Variants in SLC5A4 observed in about 807,000 individuals in gnomAD.
SLC5A4 encodes the protein probable glucose sensor protein SLC5A4.
A neutral mutation model predicts 70.3 loss-of-function variants in SLC5A4; 55 were observed. That is an observed-to-expected ratio of 0.78 (90% CI 0.63 to 0.98). SLC5A4 has a LOEUF of 0.98. Among genes scored for constraint, SLC5A4 ranks in the 50% least tolerant of loss-of-function variants. The pLI is 0.00. For missense variants in SLC5A4, 735 were observed against 839.2 expected, an observed-to-expected ratio of 0.88 and a Z score of 1.53; for synonymous variants, 268 against 305.7, an observed-to-expected ratio of 0.88 and a Z score of 1.29.
intron 7 of SLC5A4, among the ~76,000 whole-genome samples, chr22:32,236,142 A>C (rs1321126759): frequency 6.6e-6 from 1 of 152,238 alleles, no homozygotes; most frequent in East Asian, 1.9e-4. Flanking sequence ...CTGAATAGAA[A>C]GTACACAAAG....
chr22:32,236,894 C>T (rs1293475383), intron 7 of SLC5A4, among the ~76,000 whole-genome samples: 4 of 151,966 alleles, frequency 2.6e-5, no homozygotes, highest in Admixed American at 1.3e-4. Flanking sequence ...TTAGTAGAGA[C>T]GGGGTTTCAC....
chr22:32,311,158 T>G, the SLC5A4 span, among the ~76,000 whole-genome samples: 1 of 152,200 alleles, frequency 6.6e-6, no homozygotes, highest in African/African-American at 2.4e-5. Flanking sequence ...CACTCACTTG[T>G]CCCTCGAACT....
At chr22:32,265,764 G>A in the SLC5A4 span, among the ~76,000 whole-genome samples, 1 of 151,650 alleles carries the variant, frequency 6.6e-6, no homozygotes, top group African/African-American at 2.4e-5. Flanking sequence ...CGCTTGAACC[G>A]GGGAGGTGGA....
At chr22:32,332,889 A>AG in the SLC5A4 span, among the ~76,000 whole-genome samples, 1 of 152,170 alleles carries the variant, frequency 6.6e-6, no homozygotes, top group Admixed American at 6.5e-5. Context: ...CTCTGTCCGT[A>AG]ACTCCTGCCT....
chr22:32,298,876 C>T, the SLC5A4 span, among the ~76,000 whole-genome samples: 4 of 105,256 alleles, frequency 3.8e-5, no homozygotes, highest in Non-Finnish European at 5.9e-5. Flanking sequence ...TCAGCATTTG[C>T]TTGTCTGTAA....
At chr22:32,345,415 T>G in the SLC5A4 span, among the ~76,000 whole-genome samples, 7 of 152,206 alleles carry the variant, frequency 4.6e-5, no homozygotes, top group African/African-American at 1.7e-4. Context: ...TCAGAAAACA[T>G]CATGCATTCC....
intron 6 of SLC5A4, among the ~76,000 whole-genome samples, chr22:32,237,986 C>G (rs1002636402): frequency 6.6e-6 from 1 of 152,124 alleles, no homozygotes; most frequent in Non-Finnish European, 1.5e-5. Context: ...GTTGTCTGTA[C>G]CAAAATAGAG....
intron 3 of SLC5A4, among the ~76,000 whole-genome samples, chr22:32,249,177 AAGTC>A (rs776475502): frequency 6.6e-6 from 1 of 152,242 alleles, no homozygotes; most frequent in Non-Finnish European, 1.5e-5. Flanking sequence ...AGTGCTCCCC[AAGTC>A]TTCCCACATA....
At chr22:32,340,220 T>C in the SLC5A4 span, among the ~76,000 whole-genome samples, 3 of 152,148 alleles carry the variant, frequency 2.0e-5, no homozygotes, top group African/African-American at 7.2e-5. Context: ...AATGGCACAA[T>C]TTGTTACAGC....
the SLC5A4 span, among the ~76,000 whole-genome samples, chr22:32,329,535 C>G: frequency 1.5e-5 from 2 of 135,864 alleles, no homozygotes; most frequent in Non-Finnish European, 3.1e-5. Context: ...CTTGGGGGGG[C>G]TCTGTGTCTG....
At chr22:32,348,888 G>GT in the SLC5A4 span, among the ~76,000 whole-genome samples, 1 of 152,144 alleles carries the variant, frequency 6.6e-6, no homozygotes, top group East Asian at 1.9e-4. Flanking sequence ...ACAAAGTTAA[G>GT]TTTCATAAAT....
At chr22:32,348,885 T>G in the SLC5A4 span, among the ~76,000 whole-genome samples, 1 of 152,236 alleles carries the variant, frequency 6.6e-6, no homozygotes, top group Non-Finnish European at 1.5e-5. Flanking sequence ...TTTACAAAGT[T>G]AAGTTTCATA....
At chr22:32,306,903 GA>G in the SLC5A4 span, among the ~76,000 whole-genome samples, 1 of 93,734 alleles carries the variant, frequency 1.1e-5, no homozygotes, top group Non-Finnish European at 2.6e-5. Flanking sequence ...GCAATTCCAA[GA>G]AGAGGCGCTC....
At chr22:32,333,103 G>GTGGCC in the SLC5A4 span, among the ~76,000 whole-genome samples, 1 of 152,054 alleles carries the variant, frequency 6.6e-6, no homozygotes, top group Non-Finnish European at 1.5e-5. Flanking sequence ...GAGGAGGGAC[G>GTGGCC]TGGCCTGCCC....
At chr22:32,318,698 C>G in the SLC5A4 span, among the ~76,000 whole-genome samples, 2 of 152,194 alleles carry the variant, frequency 1.3e-5, no homozygotes, top group African/African-American at 4.8e-5. Context: ...GCTCTCAACA[C>G]AGCAGCCAGA....
At chr22:32,275,787 A>T in the SLC5A4 span, among the ~76,000 whole-genome samples, 1 of 152,230 alleles carries the variant, frequency 6.6e-6, no homozygotes, top group Admixed American at 6.5e-5. Flanking sequence ...CTGAGGAATC[A>T]CCACACTGAC....
chr22:32,271,577 C>G, the SLC5A4 span: 1 of 700,338 alleles, frequency 1.4e-6, no homozygotes, highest in Non-Finnish European at 2.6e-6. Context: ...GGCCCGGGGC[C>G]GCGTGGCGTG....
intron 5 of SLC5A4, among the ~76,000 whole-genome samples, chr22:32,241,841 G>A (rs201372617): frequency 9.6e-6 from 1 of 104,164 alleles, no homozygotes; most frequent in African/African-American, 4.9e-5. Context: ...ATATATATCT[G>A]TGTGTGTGTG....
the SLC5A4 span, among the ~76,000 whole-genome samples, chr22:32,285,703 CTTTT>C: frequency 7.8e-6 from 1 of 127,934 alleles, no homozygotes; most frequent in African/African-American, 2.9e-5. Context: ...ATCTTATTTT[CTTTT>C]TTTATTTTTA....
Sources: allele counts gnomAD v4.1 joint callset (sites outside exome capture counted in the v4.1 genomes callset), GRCh38; gene constraint gnomAD v4.1.1; transcripts MANE v1.5; gene names NCBI Gene and HGNC (gene_info 2026-07-23, HGNC 2026-07-21).